Variants in DGAT1 observed in about 807,000 individuals in gnomAD.
DGAT1 encodes the protein diacylglycerol O-acyltransferase 1.
A neutral mutation model predicts 72.6 loss-of-function variants in DGAT1; 60 were observed. The ratio of observed to expected loss-of-function variants is 0.83; its 90% confidence interval spans 0.67 to 1.02. DGAT1 has a LOEUF of 1.02. DGAT1 is among the 50% of genes least tolerant of loss of function. The probability of loss-of-function intolerance (pLI) is 0.00; values close to 1 mark genes in which losing one functional copy is unlikely to be tolerated. For synonymous variants in DGAT1, 290 were observed against 267.5 expected, an observed-to-expected ratio of 1.08 and a Z score of -0.82; for missense variants, 592 against 670.0, an observed-to-expected ratio of 0.88 and a Z score of 1.29.
chr8:144,315,104 T>A lies in DGAT1; in HGVS notation c.*1450A>T. On this transcript the variant is annotated 3_prime_UTR_variant, in exon 17 of 17. Transcript: ENST00000528718. ...CTTTAGGGTTCTCCACTCAGCCTGGTGGAGGAAGGGAAGGGGGCCTGCGCT... is the reference window on the plus strand; with the variant it reads ...CTTTAGGGTTCTCCACTCAGCCTGGAGGAGGAAGGGAAGGGGGCCTGCGCT... 1.0e-6 allele frequency: 1 copy of A among 985,458 alleles called. No homozygotes were observed. Among genetic ancestry groups the A allele is most frequent in the African/African-American group, 1.7e-5 (1 of 57,330 alleles). The allele number at this position is 985,458 out of a possible 1,614,324, so 61.0% of individuals were successfully genotyped here. A position where few individuals can be genotyped will look rare whatever the true frequency, so the allele number is the denominator to read the frequency against.
chr8:144,315,796 A>G lies in DGAT1; in HGVS notation c.*758T>C, dbSNP rs1817186819. 3.1e-6 allele frequency: 3 copies of G among 972,050 alleles called. No homozygotes were observed. The highest frequency in any genetic ancestry group is 9.5e-5 in the South Asian group (2 of 20,974). The allele number at this position is 972,050 out of a possible 1,614,324, so 60.2% of individuals were successfully genotyped here. ...AGCCCACCTGGCTGCCCAGGTTCCA[A>G]GTGAAGGAAAGAGGCTGCCAAACCG... is the stretch of plus-strand genomic sequence containing the variant. On this transcript the variant is annotated 3_prime_UTR_variant, in exon 17 of 17. Transcript: ENST00000528718.
In DGAT1 at chr8:144,316,703, G is replaced by C; in HGVS notation, c.1318C>G (p.Leu440Val). Residue 440 changes from leucine to valine, a missense_variant, in exon 17 of 17, where the codon CTG becomes GTG. Leu to Val is a conservative substitution (Grantham distance 32). Transcript: ENST00000528718. Reference protein sequence around the residue: ...AFTGMMAQIPLAWFVGRFFQG... With the variant: ...AFTGMMAQIPVAWFVGRFFQG... ...AAAAAGCGGCCCACGAACCAGGCCA[G>C]TGGGATCTAGGGAGTGAGGGGCCAA... The C allele has an allele frequency of 6.2e-7, 1 of 1,612,026 alleles. No homozygotes were observed. Among genetic ancestry groups the C allele is most frequent in the East Asian group, 2.2e-5 (1 of 44,834 alleles).
At position 144,318,925 on chromosome 8, in the gene DGAT1, G is replaced by T; in HGVS notation, c.330-5C>A. 6.2e-7 allele frequency: 1 copy of T among 1,608,618 alleles called. No homozygotes were observed. The highest frequency in any genetic ancestry group is 1.1e-5 in the South Asian group (1 of 90,308). On this transcript the variant is annotated splice_region_variant and splice_polypyrimidine_tract_variant and intron_variant, in intron 3 of 16. Transcript: ENST00000528718. ...GGGTCCACCAGGATGCCATACCTGG[G>T]GGTGGAGGGATGGGGGTCTGAGTGG...
chr8:144,316,907 C>A lies in DGAT1; in HGVS notation c.1257G>T (p.Val419=). 6.2e-7 allele frequency: 1 copy of A among 1,612,410 alleles called. No homozygotes were observed. The highest frequency in any genetic ancestry group is 8.5e-7 in the Non-Finnish European group (1 of 1,179,728). ...GGCGGAACATTCGCAGAGGGACGCTCACCAGGTACTGAGATGGGAGGGAGA... is the reference window on the plus strand; with the variant it reads ...GGCGGAACATTCGCAGAGGGACGCTAACCAGGTACTGAGATGGGAGGGAGA... The part of the protein sequence containing the change: ...LASAFFHEYL[V]SVPLRMFRLW... Residue 419 remains valine, a synonymous_variant, in exon 16 of 17, where the codon GTG becomes GTT. Coordinates refer to ENST00000528718, the MANE Select transcript of DGAT1 (RefSeq NM_012079.6).
intron 1 of DGAT1, among the ~76,000 whole-genome samples, chr8:144,325,971 T>C (rs568074910): frequency 7.2e-5 from 11 of 152,224 alleles, no homozygotes; most frequent in South Asian, 2.1e-4. Context: ...CGGACAGGCC[T>C]GGGCTCCTCT....
Position 144,317,546 on chromosome 8 carries a change from C to T in DGAT1, c.979G>A (p.Ala327Thr). Residue 327 changes from alanine (A) to threonine (T), a missense_variant and splice_region_variant, in exon 12 of 17, where the codon GCG (alanine) becomes ACG (threonine). By Grantham distance (58) the Ala-to-Thr change is moderately conservative (BLOSUM62 0). Coordinates refer to ENST00000528718, the MANE Select transcript of DGAT1 (RefSeq NM_012079.6). The part of the protein sequence containing the change: ...SRIIERLLKL[A>T]VPNHLIWLIF... The stretch of plus-strand genomic sequence containing the variant: ...ATGCGCCACCTGTCCGCACTCACCG[C>T]CAGCTTCAGGAGGCGCTCGATGATG... 6.2e-7 allele frequency: 1 copy of T among 1,613,928 alleles called. No individual in the cohort carries two copies. The highest frequency in any genetic ancestry group is 1.1e-5 in the South Asian group (1 of 91,090).
Position 144,326,527 on chromosome 8 carries a change from C to G in DGAT1, c.110G>C (p.Gly37Ala). The change falls in exon 1 of 17, where the codon GGC becomes GCC. Residue 37 changes from glycine (G) to alanine (A), a missense_variant. By Grantham distance (60) the Gly-to-Ala change is moderately conservative. Coordinates refer to ENST00000528718, the MANE Select transcript of DGAT1 (RefSeq NM_012079.6). ...GTCCCCCGCGGCTCCCACGTCGGGGCCCGCAGCGGCGTCCCGCACCTCCTC... is the reference window on the plus strand; with the variant it reads ...GTCCCCCGCGGCTCCCACGTCGGGGGCCGCAGCGGCGTCCCGCACCTCCTC... ...AEEEVRDAAA[G>A]PDVGAAGDAP... is the part of the protein sequence containing the mutation. 1.6e-6 allele frequency: 2 copies of G among 1,269,470 alleles called. No homozygotes were observed. Among genetic ancestry groups the G allele is most frequent in the South Asian group, 2.7e-5 (1 of 37,452 alleles). The allele number at this position is 1,269,470 out of a possible 1,614,324, so 78.6% of individuals were successfully genotyped here.
chr8:144,319,933 G>A (rs1817398461), intron 2 of DGAT1, among the ~76,000 whole-genome samples: 1 of 152,212 alleles, frequency 6.6e-6, no homozygotes, highest in African/African-American at 2.4e-5. Context: ...CACTGAGGGT[G>A]TCTTGCCTGG....
chr8:144,319,683 C>T (rs542190761), intron 2 of DGAT1, among the ~76,000 whole-genome samples: 5 of 152,306 alleles, frequency 3.3e-5, no homozygotes, highest in African/African-American at 1.2e-4. Flanking sequence ...GCCTTGGACA[C>T]TTGGCTCCAA....
At chr8:144,317,483 C>G in intron 12 of DGAT1, 38 bp from the exon 13 acceptor site, 1 of 1,613,688 alleles carries the variant, frequency 6.2e-7, no homozygotes, top group Non-Finnish European at 8.5e-7. Context: ...AGTTCTAGAA[C>G]CTTCCCCCAC....
Position 144,317,365 on chromosome 8 carries a change from C to T in DGAT1, c.1062G>A (p.Gln354=). The T allele has an allele frequency of 6.2e-7, 1 of 1,613,824 alleles. No homozygotes were observed. The highest frequency in any genetic ancestry group is 1.3e-5 in the African/African-American group (1 of 75,018). The part of the protein sequence containing the change: ...SCLNAVAELM[Q]FGDREFYRDW... ...CCCGGTAGAACTCCCGGTCTCCAAACTGCATGAGCTCAGCCACGGCATTCA... is the reference window on the plus strand; with the variant it reads ...CCCGGTAGAACTCCCGGTCTCCAAATTGCATGAGCTCAGCCACGGCATTCA... Residue 354 remains glutamine (Q), a synonymous_variant, in exon 13 of 17, where the codon CAG becomes CAA. Coordinates refer to ENST00000528718, the MANE Select transcript of DGAT1 (RefSeq NM_012079.6).
At chr8:144,322,362 C>T (rs921177714) in intron 1 of DGAT1, among the ~76,000 whole-genome samples, 1 of 152,236 alleles carries the variant, frequency 6.6e-6, no homozygotes, top group African/African-American at 2.4e-5. Flanking sequence ...TGAGCAAGTC[C>T]TCAACTTTGT....
chr8:144,316,382 C>T lies in DGAT1; in HGVS notation c.*172G>A. 1 of 839,590 alleles carries T rather than the reference C, an allele frequency of 1.2e-6. No homozygotes were observed. The highest frequency in any genetic ancestry group is 3.0e-5 in the Admixed American group (1 of 33,682). The allele number at this position is 839,590 out of a possible 1,614,324, so 52.0% of individuals were successfully genotyped here. A position where few individuals can be genotyped will look rare whatever the true frequency, so the allele number is the denominator to read the frequency against. On this transcript the variant is annotated 3_prime_UTR_variant, in exon 17 of 17. Transcript: ENST00000528718. The stretch of plus-strand genomic sequence containing the variant: ...TCAGACTGTGTCTGGCCTGCTGTCG[C>T]CATCCCTGAGGGGTGCAGGACAGAG...
At position 144,315,242 on chromosome 8, in the gene DGAT1, C is replaced by T. The variant is rs993390283; in HGVS notation, c.*1312G>A. On this transcript the variant is annotated 3_prime_UTR_variant, in exon 17 of 17. Coordinates refer to ENST00000528718, the MANE Select transcript of DGAT1 (RefSeq NM_012079.6). ...AGCCCATGTGGGATGGAGGAGTCGG[C>T]CCCACACCCATCCCCCCACCAGGAG... 239 of 985,412 alleles carry T rather than the reference C, an allele frequency of 2.4e-4. No homozygotes were observed. The highest frequency in any genetic ancestry group is 2.8e-4 in the Non-Finnish European group (236 of 830,032). The allele number at this position is 985,412 out of a possible 1,614,324, so 61.0% of individuals were successfully genotyped here.
In DGAT1 at chr8:144,314,665, C is replaced by T. The variant is rs989839590; in HGVS notation, c.*1889G>A. 4 of 342,576 alleles carry T rather than the reference C, an allele frequency of 1.2e-5. No individual in the cohort carries two copies. Among genetic ancestry groups the T allele is most frequent in the African/African-American group, 8.2e-5 (4 of 48,880 alleles). The allele number at this position is 342,576 out of a possible 1,614,324, so 21.2% of individuals were successfully genotyped here. On this transcript the variant is annotated 3_prime_UTR_variant, in exon 17 of 17. Coordinates refer to ENST00000528718, the MANE Select transcript of DGAT1 (RefSeq NM_012079.6). ...CCACAGAGATACACAGATATATACA[C>T]ACAGTGGATGGACGGACAAGACAGG...
rs1408483692 is a variant in DGAT1 at position 144,315,614 on chromosome 8, C to A, written c.*940G>T. On this transcript the variant is annotated 3_prime_UTR_variant, in exon 17 of 17. Coordinates refer to ENST00000528718, the MANE Select transcript of DGAT1 (RefSeq NM_012079.6). Reference sequence around the variant, plus strand: ...TACCATCAAGGGGGGCCCCATCTATCCAGCTTGGTGGATTGCAGGGCCTGG... The same window carrying A: ...TACCATCAAGGGGGGCCCCATCTATACAGCTTGGTGGATTGCAGGGCCTGG... The A allele has an allele frequency of 1.0e-6, 1 of 985,636 alleles. No individual in the cohort carries two copies. Among genetic ancestry groups the A allele is most frequent in the African/African-American group, 1.7e-5 (1 of 57,370 alleles). The allele number at this position is 985,636 out of a possible 1,614,324, so 61.1% of individuals were successfully genotyped here. A position where few individuals can be genotyped will look rare whatever the true frequency, so the allele number is the denominator to read the frequency against.
rs782002327 is a variant in DGAT1, at chr8:144,321,354, G to C, written c.255C>G (p.Tyr85Ter). The change falls in exon 2 of 17, where the codon TAC becomes TAG. Residue 85 changes from tyrosine to a stop codon, truncating the protein, a stop_gained. Transcript: ENST00000528718. LOFTEE classifies it high-confidence loss of function. Reference protein sequence around the residue: ...LFSSDSGFSNYRGILNWCVVM... With the variant: ...LFSSDSGFSN ...CCACACACCAGTTCAGGATGCCACG[G>C]TAGTTGCTGAAGCCACTGTCAGAGC... 1 of 1,613,994 alleles carries C rather than the reference G, an allele frequency of 6.2e-7. No individual in the cohort carries two copies. The highest frequency in any genetic ancestry group is 8.5e-7 in the Non-Finnish European group (1 of 1,179,972).
chr8:144,320,068 C>G (rs1817403967), intron 2 of DGAT1, among the ~76,000 whole-genome samples: 1 of 152,270 alleles, frequency 6.6e-6, no homozygotes, highest in South Asian at 2.1e-4. Context: ...CACACTGTCA[C>G]TGGCCTCTCC....
chr8:144,325,816 C>T (rs1817581175), intron 1 of DGAT1, among the ~76,000 whole-genome samples: 6 of 152,240 alleles, frequency 3.9e-5, no homozygotes, highest in Admixed American at 3.9e-4. Context: ...CAGACGCTGG[C>T]TCTGGCAACA....
Sources: allele counts gnomAD v4.1 joint callset (sites outside exome capture counted in the v4.1 genomes callset), GRCh38; gene constraint gnomAD v4.1.1; transcripts MANE v1.5; gene names NCBI Gene and HGNC (gene_info 2026-07-23, HGNC 2026-07-21).